The following NUP93 variants were observed in gnomAD, a reference collection of about 807,000 sequenced individuals.
The protein encoded by NUP93 is nuclear pore complex protein Nup93.
NUP93 carries 55 observed loss-of-function variants against 107.8 expected under a neutral mutation model. The ratio of observed to expected loss-of-function variants is 0.51; its 90% confidence interval spans 0.41 to 0.64. The LOEUF (loss-of-function observed/expected upper bound fraction) is 0.64. Among genes scored for constraint, NUP93 ranks in the 30% least tolerant of loss-of-function variants. The pLI is 0.00. For synonymous variants in NUP93, 390 were observed against 397.5 expected (o/e 0.98, Z 0.22); for missense variants, 937 against 1,044.7 (o/e 0.90, Z 1.42).
At chr16:56,795,051 C>T (rs1177052472) in intron 3 of NUP93, among the ~76,000 whole-genome samples, 1 of 151,690 alleles carries the variant, frequency 6.6e-6, no homozygotes, top group East Asian at 1.9e-4. Flanking sequence ...CCAGGTCCCT[C>T]CCCTCCCCAC....
At chr16:56,839,314 G>T in intron 19 of NUP93, 1 of 239,288 alleles carries the variant, frequency 4.2e-6, no homozygotes, top group Non-Finnish European at 7.5e-6. Context: ...AAAGTAATTT[G>T]CAATCTCAGA....
chr16:56,799,467 C>T (rs1411866507), intron 4 of NUP93, among the ~76,000 whole-genome samples: 2 of 152,164 alleles, frequency 1.3e-5, no homozygotes, highest in South Asian at 2.1e-4. Flanking sequence ...TCCATAACAT[C>T]CCATTATAGT....
chr16:56,815,895 GCTGGTGC>G (rs1963416354), intron 5 of NUP93, among the ~76,000 whole-genome samples: 6 of 138,344 alleles, frequency 4.3e-5, no homozygotes, highest in East Asian at 2.0e-4. Flanking sequence ...TGCTGCTGCT[GCTGGTGC>G]TGCTGCTGCT....
At chr16:56,816,778 A>T (rs1385971528) in intron 5 of NUP93, among the ~76,000 whole-genome samples, 1 of 152,104 alleles carries the variant, frequency 6.6e-6, no homozygotes, top group Non-Finnish European at 1.5e-5. Flanking sequence ...ATTTTCAAGG[A>T]ATTTGCGGTC....
intron 3 of NUP93, among the ~76,000 whole-genome samples, chr16:56,769,348 A>C (rs1187285258): frequency 6.6e-6 from 1 of 152,230 alleles, no homozygotes; most frequent in African/African-American, 2.4e-5. Flanking sequence ...CAAGCTTAGT[A>C]GTAAAATAAC....
chr16:56,813,113 T>C (rs1963350581), intron 5 of NUP93, among the ~76,000 whole-genome samples: 1 of 152,206 alleles, frequency 6.6e-6, no homozygotes, highest in African/African-American at 2.4e-5. Context: ...AACTATGGCT[T>C]AATAAGTATA....
At chr16:56,842,810 C>T (rs527398133) in intron 21 of NUP93, 3 of 330,338 alleles carry the variant, frequency 9.1e-6, no homozygotes, top group African/African-American at 6.7e-5. Context: ...ACCTCGGCCT[C>T]CCAAAGTGCT....
chr16:56,809,574 A>G (rs1184496742), intron 5 of NUP93, among the ~76,000 whole-genome samples: 1 of 152,028 alleles, frequency 6.6e-6, no homozygotes, highest in East Asian at 1.9e-4. Context: ...GCACATCGAG[A>G]TAAGAAAACT....
chr16:56,843,938 G>A (rs537495541), intron 21 of NUP93, among the ~76,000 whole-genome samples: 1 of 152,286 alleles, frequency 6.6e-6, no homozygotes, highest in African/African-American at 2.4e-5. Context: ...CATAAATACT[G>A]TTGCCTGGGG....
At chr16:56,747,374 A>G (rs1961837916) in intron 1 of NUP93, among the ~76,000 whole-genome samples, 1 of 152,244 alleles carries the variant, frequency 6.6e-6, no homozygotes, top group Non-Finnish European at 1.5e-5. Context: ...CTCTTGGTCA[A>G]GAACCTTATA....
chr16:56,738,944 TC>T (rs1961655970), intron 1 of NUP93, among the ~76,000 whole-genome samples: 1 of 105,072 alleles, frequency 9.5e-6, no homozygotes, highest in East Asian at 4.8e-4. Context: ...ATGCTAAATT[TC>T]TTTTTTTTTT....
chr16:56,791,015 C>T (rs1253735514), intron 3 of NUP93, among the ~76,000 whole-genome samples: 3 of 152,096 alleles, frequency 2.0e-5, no homozygotes, highest in Non-Finnish European at 4.4e-5. Flanking sequence ...ATGTTGGCTG[C>T]AGATTTCCTA....
intron 1 of NUP93, among the ~76,000 whole-genome samples, chr16:56,747,563 AAAG>A (rs1287606199): frequency 2.0e-5 from 3 of 152,184 alleles, no homozygotes; most frequent in African/African-American, 4.8e-5. Flanking sequence ...AAAAAAAAAA[AAAG>A]AAGAATTTCT....
At chr16:56,758,805 G>A in intron 3 of NUP93, 150 bp downstream of exon 3, 1 of 614,322 alleles carries the variant, frequency 1.6e-6, no homozygotes, top group Non-Finnish European at 2.9e-6. Context: ...ATTCAGCTTT[G>A]GAGGTATAGT....
intron 3 of NUP93, among the ~76,000 whole-genome samples, chr16:56,786,734 G>A (rs539277133): frequency 1.3e-5 from 2 of 152,352 alleles, no homozygotes; most frequent in South Asian, 4.1e-4. Context: ...TTACGTTCAT[G>A]TGCTGTAAGC....
intron 3 of NUP93, among the ~76,000 whole-genome samples, chr16:56,792,159 A>G (rs1278997011): frequency 3.3e-5 from 5 of 152,178 alleles, no homozygotes; most frequent in African/African-American, 4.8e-5. Context: ...CAGCCTGGGC[A>G]ACAGGGTGAG....
At chr16:56,754,209 CT>C (rs144849633) in intron 2 of NUP93, among the ~76,000 whole-genome samples, 6,398 of 152,178 alleles carry the variant, frequency 0.042, 196 homozygotes, top group East Asian at 0.077. Context: ...AAGGGGAAGT[CT>C]TGCCCCTATG....
At chr16:56,751,467 G>T (rs536808939) in intron 2 of NUP93, among the ~76,000 whole-genome samples, 1 of 152,266 alleles carries the variant, frequency 6.6e-6, no homozygotes, top group South Asian at 2.1e-4. Flanking sequence ...TTTTAAACTT[G>T]AGGAAAGTCA....
intron 6 of NUP93, among the ~76,000 whole-genome samples, chr16:56,820,228 C>T (rs779155146): frequency 1.3e-5 from 2 of 152,222 alleles, no homozygotes; most frequent in Non-Finnish European, 2.9e-5. Flanking sequence ...CCATGTTGAA[C>T]AGTACCTTGC....
Sources: gnomAD v4.1 joint callset for allele counts (sites outside exome capture counted in the v4.1 genomes callset) on GRCh38, gnomAD v4.1.1 for gene constraint, MANE v1.5 for transcripts, NCBI Gene and HGNC (gene_info 2026-07-23, HGNC 2026-07-21) for gene names.